Variants in SLC25A13 observed in about 807,000 individuals in gnomAD.
SLC25A13 encodes the protein electrogenic aspartate/glutamate antiporter SLC25A13, mitochondrial.
Under a neutral mutation model 85.5 loss-of-function variants are expected in SLC25A13, and 70 were observed. The observed-to-expected ratio is 0.82, with a 90% CI of 0.68 to 1.00. The LOEUF (loss-of-function observed/expected upper bound fraction) is 1.00, where lower values mean the gene tolerates loss of function less well. Ranked by LOEUF, SLC25A13 falls within the 50% of genes least tolerant of loss-of-function variation. SLC25A13 has a pLI of 0.00. For synonymous variants in SLC25A13, 259 were observed against 288.7 expected (o/e 0.90, Z 1.04); for missense variants, 765 against 819.8 (o/e 0.93, Z 0.82).
chr7:96,124,482 C>T (rs577208940), intron 15 of SLC25A13, among the ~76,000 whole-genome samples: 1 of 152,254 alleles, frequency 6.6e-6, no homozygotes, highest in South Asian at 2.1e-4. Context: ...AAATTGATGG[C>T]GTCTTCATAG....
At chr7:96,312,498 TTA>T (rs1248335159) in intron 1 of SLC25A13, among the ~76,000 whole-genome samples, 1 of 152,202 alleles carries the variant, frequency 6.6e-6, no homozygotes, top group Admixed American at 6.5e-5. Context: ...TTGTAGATGA[TTA>T]TAAAGATCAA....
chr7:96,230,003 C>T (rs977624799), intron 4 of SLC25A13, among the ~76,000 whole-genome samples: 6 of 152,174 alleles, frequency 3.9e-5, no homozygotes, highest in Non-Finnish European at 8.8e-5. Flanking sequence ...CAAGTCTATT[C>T]CTAGAAATGT....
chr7:96,272,307 G>A (rs1477972201), intron 3 of SLC25A13, among the ~76,000 whole-genome samples: 1 of 152,166 alleles, frequency 6.6e-6, no homozygotes, highest in African/African-American at 2.4e-5. Context: ...AATTTTCGCA[G>A]AGAGAGACAC....
intron 1 of SLC25A13, among the ~76,000 whole-genome samples, 172 bp from the exon 2 acceptor site, chr7:96,297,123 T>A (rs935269490): frequency 3.3e-5 from 5 of 152,292 alleles, no homozygotes; most frequent in Non-Finnish European, 5.9e-5. Context: ...TAAATTAGAC[T>A]CCTTATGCAG....
chr7:96,232,133 C>A (rs961371499), intron 4 of SLC25A13, among the ~76,000 whole-genome samples: 1 of 152,170 alleles, frequency 6.6e-6, no homozygotes, highest in Non-Finnish European at 1.5e-5. Flanking sequence ...CACATGCACA[C>A]ATATGTTCAC....
intron 3 of SLC25A13, among the ~76,000 whole-genome samples, chr7:96,264,986 T>A (rs1468450930): frequency 6.6e-6 from 1 of 152,252 alleles, no homozygotes; most frequent in East Asian, 1.9e-4. Flanking sequence ...TTGAAGAATA[T>A]GAAAGGATTT....
At chr7:96,292,478 G>C (rs1005581481) in intron 2 of SLC25A13, among the ~76,000 whole-genome samples, 2 of 152,184 alleles carry the variant, frequency 1.3e-5, no homozygotes, top group African/African-American at 4.8e-5. Context: ...TAGGAAAAGA[G>C]GAAGTCAAAT....
At chr7:96,251,045 A>G (rs1388762185) in intron 3 of SLC25A13, among the ~76,000 whole-genome samples, 3 of 151,974 alleles carry the variant, frequency 2.0e-5, no homozygotes, top group Non-Finnish European at 2.9e-5. Flanking sequence ...GGGAAAGAGG[A>G]GGAGACAAAA....
chr7:96,210,759 A>C (rs1795658639), intron 4 of SLC25A13, among the ~76,000 whole-genome samples: 1 of 152,198 alleles, frequency 6.6e-6, no homozygotes, highest in African/African-American at 2.4e-5. Context: ...TCAAATGATA[A>C]AGATGTGACC....
chr7:96,121,594 C>G, intron 17 of SLC25A13, 61 bp downstream of exon 17: 1 of 1,528,342 alleles, frequency 6.5e-7, no homozygotes, highest in Non-Finnish European at 9.1e-7. Context: ...GTACCTTTCC[C>G]TACGACAACA....
intron 11 of SLC25A13, among the ~76,000 whole-genome samples, chr7:96,183,983 G>T (rs1794521775): frequency 6.6e-6 from 1 of 152,126 alleles, no homozygotes; most frequent in Non-Finnish European, 1.5e-5. Context: ...AGTACTTCAA[G>T]GATGCAAACA....
At chr7:96,259,910 T>G (rs1315071325) in intron 3 of SLC25A13, among the ~76,000 whole-genome samples, 1 of 152,046 alleles carries the variant, frequency 6.6e-6, no homozygotes, top group Non-Finnish European at 1.5e-5. Flanking sequence ...TGCAGGGACA[T>G]GGATGAAGAT....
chr7:96,124,457 A>G (rs956388770), intron 15 of SLC25A13, among the ~76,000 whole-genome samples: 2 of 152,184 alleles, frequency 1.3e-5, no homozygotes, highest in African/African-American at 4.8e-5. Context: ...GACATTATAC[A>G]TTGATATTAC....
intron 11 of SLC25A13, among the ~76,000 whole-genome samples, chr7:96,183,021 C>T (rs1562822143): frequency 6.6e-6 from 1 of 152,188 alleles, no homozygotes; most frequent in African/African-American, 2.4e-5. Flanking sequence ...ACTTGGAAGC[C>T]ATTTCATTTG....
intron 13 of SLC25A13, among the ~76,000 whole-genome samples, chr7:96,163,623 A>G (rs1391541898): frequency 1.3e-5 from 2 of 152,246 alleles, no homozygotes; most frequent in East Asian, 3.8e-4. Context: ...CATTCCTGTT[A>G]GGAGGAAAGC....
rs1397231627 is a variant in SLC25A13, at chr7:96,277,235, A to G, written c.173T>C (p.Val58Ala). 3.7e-6 allele frequency: 6 copies of G among 1,608,190 alleles called. No homozygotes were observed. In the Admixed American group the frequency reaches 8.4e-5, roughly 23 times the overall value. The change falls in exon 3 of 18, where the codon GTG becomes GCG. Residue 58 changes from valine (V) to alanine (A), a missense_variant. Physicochemically the swap from Val to Ala is moderately conservative, Grantham distance 64. Coordinates refer to ENST00000265631, the MANE Select transcript of SLC25A13 (RefSeq NM_014251.3). Reference sequence around the variant, plus strand: ...ATCCACCACTCCACTTAAAAGTTCCACAGTCTTTGGATTAGGCTGGCTTTC... The same window carrying G: ...ATCCACCACTCCACTTAAAAGTTCCGCAGTCTTTGGATTAGGCTGGCTTTC... ...FGESQPNPKT[V>A]ELLSGVVDQT... is the part of the protein sequence containing the mutation.
At chr7:96,295,360 A>G (rs1799306637) in intron 2 of SLC25A13, among the ~76,000 whole-genome samples, 1 of 152,336 alleles carries the variant, frequency 6.6e-6, no homozygotes, top group African/African-American at 2.4e-5. Context: ...AGAAAACAAG[A>G]AAAGAAAAGA....
Position 96,121,088 on chromosome 7 carries a change from A to G in SLC25A13, c.*103T>C. 7.8e-7 allele frequency: 1 copy of G among 1,290,090 alleles called. No homozygotes were observed. Among genetic ancestry groups the G allele is most frequent in the Non-Finnish European group, 1.1e-6 (1 of 891,086 alleles). 79.9% of individuals were successfully genotyped at this position (1,290,090 alleles called of 1,614,324 possible). A position where few individuals can be genotyped will look rare whatever the true frequency, so the allele number is the denominator to read the frequency against. ...AAAAAGCCTGGACTTGAATTTAAAC[A>G]AGAGATGGACGTAAAAGGGATGAAG... On this transcript the variant is annotated 3_prime_UTR_variant, in exon 18 of 18. Coordinates refer to ENST00000265631, the MANE Select transcript of SLC25A13 (RefSeq NM_014251.3).
chr7:96,168,098 G>GGAAAAAAAAAAAAAAAAAAAAAAAAAAAA (rs1793836839), intron 13 of SLC25A13, among the ~76,000 whole-genome samples: 2 of 19,694 alleles, frequency 1.0e-4, no homozygotes, highest in Non-Finnish European at 2.5e-4. Flanking sequence ...AACTCTGTCT[G>GGAAAAAAAAAAAAAAAAAAAAAAAAAAAA]AAAAAAAAAA....
Sources: gnomAD v4.1 joint callset for allele counts (sites outside exome capture counted in the v4.1 genomes callset) on GRCh38, gnomAD v4.1.1 for gene constraint, MANE v1.5 for transcripts, NCBI Gene and HGNC (gene_info 2026-07-23, HGNC 2026-07-21) for gene names.